ADAMTS7: variants seen among roughly 807,000 people sequenced by gnomAD.
ADAMTS7 encodes A disintegrin and metalloproteinase with thrombospondin motifs 7.
In ADAMTS7, 89 loss-of-function variants were observed where a neutral mutation model predicts 172.6. The observed-to-expected ratio is 0.52, with a 90% confidence interval of 0.43 to 0.61. ADAMTS7 has a LOEUF of 0.61. Among genes scored for constraint, ADAMTS7 ranks in the 20% least tolerant of loss-of-function variants. The pLI is 0.00. For synonymous variants in ADAMTS7, 885 were observed against 978.4 expected, an observed-to-expected ratio of 0.90 and a Z score of 1.78; for missense variants, 1,973 against 2,355.6, an observed-to-expected ratio of 0.84 and a Z score of 3.36.
chr15:78,796,377 A>G (rs944632480), intron 4 of ADAMTS7, among the ~76,000 whole-genome samples: 1 of 151,906 alleles, frequency 6.6e-6, no homozygotes, highest in African/African-American at 2.4e-5. Context: ...TGGTGTCCCC[A>G]CAGCAGCCCT....
intron 1 of ADAMTS7, among the ~76,000 whole-genome samples, chr15:78,809,860 C>T (rs2055842039): frequency 6.6e-6 from 1 of 152,250 alleles, no homozygotes; most frequent in South Asian, 2.1e-4. Context: ...CCATCACTTG[C>T]TTTGCACGGT....
intron 7 of ADAMTS7, among the ~76,000 whole-genome samples, chr15:78,788,864 T>A (rs2055541846): frequency 6.6e-6 from 1 of 152,236 alleles, no homozygotes. Flanking sequence ...TTCCTGAGCA[T>A]CTACTATGTG....
intron 8 of ADAMTS7, among the ~76,000 whole-genome samples, chr15:78,787,368 C>T (rs1252788203): frequency 1.1e-5 from 1 of 88,422 alleles, no homozygotes; most frequent in Admixed American, 1.2e-4. Context: ...AACAAAAAAA[C>T]ACCAGAACAG....
intron 8 of ADAMTS7, among the ~76,000 whole-genome samples, chr15:78,778,360 C>T (rs1026046026): frequency 6.6e-6 from 1 of 152,200 alleles, no homozygotes; most frequent in Non-Finnish European, 1.5e-5. Context: ...CCTTCTGGCA[C>T]CCGCTTCTGC....
chr15:78,776,292 G>A lies in ADAMTS7; in HGVS notation c.1602C>T (p.Pro534=), dbSNP rs771024506. 2.2e-5 allele frequency: 35 copies of A among 1,611,810 alleles called. No homozygotes were observed. The highest frequency in any genetic ancestry group is 6.7e-5 in the Admixed American group (4 of 59,996). ...CAGACCAGCCACCATCCACGGCCTCGGGCCGGAAGCCCACGGGTACGCACT... is the reference window on the plus strand; with the variant it reads ...CAGACCAGCCACCATCCACGGCCTCAGGCCGGAAGCCCACGGGTACGCACT... ...SGECVPVGFR[P]EAVDGGWSGW... Residue 534 remains proline (P), a synonymous_variant, in exon 11 of 24, where the codon CCC becomes CCT. Transcript: ENST00000388820.
chr15:78,783,445 A>AT (rs71148563), intron 8 of ADAMTS7, among the ~76,000 whole-genome samples: 44 of 145,968 alleles, frequency 3.0e-4, no homozygotes, highest in Middle Eastern at 3.5e-3. Context: ...AATTTTTTGT[A>AT]TTTTTTTTTT....
chr15:78,787,169 C>T (rs1408563331), intron 8 of ADAMTS7, among the ~76,000 whole-genome samples: 5 of 151,964 alleles, frequency 3.3e-5, no homozygotes, highest in African/African-American at 4.8e-5. Context: ...GAAAGTTATA[C>T]ATGGATTTTC....
rs777184008 is a variant in ADAMTS7 at position 78,764,615 on chromosome 15, C to A, written c.4359G>T (p.Gln1453His). The A allele has an allele frequency of 6.4e-7, 1 of 1,553,856 alleles. No individual in the cohort carries two copies. Among genetic ancestry groups the A allele is most frequent in the Non-Finnish European group, 8.6e-7 (1 of 1,157,450 alleles). ...DEDCAPAGRP[Q>H]PARRCHLRPC... The stretch of plus-strand genomic sequence containing the variant: ...GCCGCAGGTGGCAGCGGCGGGCAGG[C>A]TGGGGCCGGCCAGCGGGGGCGCAGT... Residue 1453 changes from glutamine (Q) to histidine (H), a missense_variant, in exon 20 of 24, where the codon CAG becomes CAT. Gln to His is a conservative substitution (Grantham distance 24, BLOSUM62 0). Coordinates refer to ENST00000388820, the MANE Select transcript of ADAMTS7 (RefSeq NM_014272.5).
At chr15:78,809,910 G>A (rs2055842642) in intron 1 of ADAMTS7, among the ~76,000 whole-genome samples, 1 of 152,238 alleles carries the variant, frequency 6.6e-6, no homozygotes, top group Non-Finnish European at 1.5e-5. Context: ...CGTGAGGCTG[G>A]CACACAGTAG....
At position 78,761,969 on chromosome 15, in the gene ADAMTS7, C is replaced by G. The variant is rs2055052116; in HGVS notation, c.4903+434G>C. 19 of 985,290 alleles carry G rather than the reference C, an allele frequency of 1.9e-5. 1 individual carries two copies. The South Asian group carries it at 8.9e-4, about 46-fold the overall frequency. The allele number at this position is 985,290 out of a possible 1,614,324, so 61.0% of individuals were successfully genotyped here. On this transcript the variant is annotated intron_variant, in intron 23 of 23. Transcript: ENST00000388820. ...CCTTCCTGTGGTTCCATTGCTCACT[C>G]TAGGCAGTCCTCTAGCCAGGGAATG...
intron 3 of ADAMTS7, 55 bp from the exon 4 acceptor site, chr15:78,796,841 G>A: frequency 4.0e-6 from 6 of 1,484,610 alleles, no homozygotes; most frequent in South Asian, 3.7e-5. Context: ...CAGGGCACAC[G>A]TCTCCAGGGC....
At chr15:78,809,949 G>C (rs932921816) in intron 1 of ADAMTS7, among the ~76,000 whole-genome samples, 1 of 152,250 alleles carries the variant, frequency 6.6e-6, no homozygotes, top group East Asian at 1.9e-4. Context: ...CTCCCTCTGC[G>C]CTCTGCGCAT....
chr15:78,771,313 C>G lies in ADAMTS7; in HGVS notation c.2377-10G>C. On this transcript the variant is annotated splice_polypyrimidine_tract_variant and intron_variant, in intron 15 of 23. Transcript: ENST00000388820. The surrounding 1 kb of genome is among the most constrained non-coding windows in gnomAD (Gnocchi z 4.9). ...TCTCCTGGAACAGCAGCTGGGTGGG[C>G]AGGCGGGGGCCCATGAGCACAAGGT... 1 of 1,611,894 alleles carries G rather than the reference C, an allele frequency of 6.2e-7. No homozygotes were observed. The highest frequency in any genetic ancestry group is 1.1e-5 in the South Asian group (1 of 90,968).
rs111374923 is a variant in ADAMTS7, at chr15:78,778,187, T to C, written c.1323-599A>G. ...TACTCCTGCCTTCCTCCAGCTGGCATTCCCTGGCAGCGGTAGCGGGGAAAC... is the reference window on the plus strand; with the variant it reads ...TACTCCTGCCTTCCTCCAGCTGGCACTCCCTGGCAGCGGTAGCGGGGAAAC... On this transcript the variant is annotated intron_variant, in intron 8 of 23. Coordinates refer to ENST00000388820, the MANE Select transcript of ADAMTS7 (RefSeq NM_014272.5). Among the ~76,000 whole-genome samples, 3 of 152,306 alleles carry C rather than the reference T, an allele frequency of 2.0e-5. 1 individual carries two copies. The highest frequency in any genetic ancestry group is 7.2e-5 in the African/African-American group (3 of 41,588).
chr15:78,770,349 T>G (rs1018153381), intron 16 of ADAMTS7, among the ~76,000 whole-genome samples: 1 of 150,614 alleles, frequency 6.6e-6, no homozygotes, highest in African/African-American at 2.5e-5. Context: ...TTCCCAATTC[T>G]GAGACCCTGA....
chr15:78,772,526 T>A (rs1447050522), intron 14 of ADAMTS7, among the ~76,000 whole-genome samples: 1 of 152,210 alleles, frequency 6.6e-6, no homozygotes, highest in Non-Finnish European at 1.5e-5. Flanking sequence ...TGGAATGCCC[T>A]TTCCATCTCT....
intron 8 of ADAMTS7, among the ~76,000 whole-genome samples, chr15:78,778,451 A>C (rs990077204): frequency 6.6e-6 from 1 of 152,186 alleles, no homozygotes; most frequent in Non-Finnish European, 1.5e-5. Context: ...GCTGGACCTT[A>C]GGTGGCCACC....
chr15:78,807,869 A>C (rs770694911), intron 1 of ADAMTS7, among the ~76,000 whole-genome samples: 54 of 138,008 alleles, frequency 3.9e-4, no homozygotes, highest in African/African-American at 9.7e-4. Flanking sequence ...TTATTTATTT[A>C]TTTCTTTTTT....
Position 78,798,058 on chromosome 15 carries a change from G to C in ADAMTS7, c.512C>G (p.Ala171Gly), listed in dbSNP as rs1596198652. The change falls in exon 3 of 24, where the codon GCC becomes GGC. Residue 171 changes from alanine (A) to glycine (G), a missense_variant. Ala to Gly is a moderately conservative substitution (Grantham distance 60). Coordinates refer to ENST00000388820, the MANE Select transcript of ADAMTS7 (RefSeq NM_014272.5). ...CTGGGCGTGGCCAGGCCGGGCCGGG[G>C]CACTGTCCAGGGGCTCAATGAAGTA... ...EDYFIEPLDS[A>G]PARPGHAQPH... is the part of the protein sequence containing the mutation. 1 of 1,570,976 alleles carries C rather than the reference G, an allele frequency of 6.4e-7. No individual in the cohort carries two copies. The highest frequency in any genetic ancestry group is 8.6e-7 in the Non-Finnish European group (1 of 1,165,790).
Sources: allele counts gnomAD v4.1 joint callset (sites outside exome capture counted in the v4.1 genomes callset), GRCh38; gene constraint gnomAD v4.1.1; non-coding constraint Gnocchi (gnomAD v3.1); transcripts MANE v1.5; gene names NCBI Gene and HGNC (gene_info 2026-07-23, HGNC 2026-07-21).